Variants in SLC30A10 observed in about 807,000 individuals in gnomAD.
The protein encoded by SLC30A10 is calcium/manganese antiporter SLC30A10.
Under a neutral mutation model 21.7 loss-of-function variants are expected in SLC30A10, and 8 were observed. The ratio of observed to expected loss-of-function variants is 0.37; its 90% CI spans 0.22 to 0.67. The LOEUF (loss-of-function observed/expected upper bound fraction) is 0.67. SLC30A10 is among the 30% of genes least tolerant of loss of function. SLC30A10 has a pLI of 0.58. For missense variants in SLC30A10, 521 were observed against 642.5 expected (o/e 0.81, Z 2.04); for synonymous variants, 272 against 279.4 (o/e 0.97, Z 0.26).
intron 1 of SLC30A10, among the ~76,000 whole-genome samples, chr1:219,954,587 C>T (rs559638454): frequency 4.1e-5 from 6 of 145,946 alleles, no homozygotes; most frequent in Non-Finnish European, 5.9e-5. Context: ...GGCCGAGGCA[C>T]GAGAATTGCT....
At chr1:219,944,889 C>T (rs1185867211) in intron 1 of SLC30A10, among the ~76,000 whole-genome samples, 4 of 152,224 alleles carry the variant, frequency 2.6e-5, no homozygotes, top group Admixed American at 6.5e-5. Flanking sequence ...TCAATAATTG[C>T]GTAAATGTAA....
rs1286028633 is a variant in SLC30A10, at chr1:219,928,233, C to A, written c.208G>T (p.Ala70Ser). The change falls in exon 1 of 4, where the codon GCC becomes TCC. Residue 70 changes from alanine to serine, a missense_variant. By Grantham distance (99) the Ala-to-Ser change is moderately conservative. Transcript: ENST00000366926. The surrounding 1 kb of genome is among the most constrained non-coding windows in gnomAD (Gnocchi z 6.3). The part of the protein sequence containing the change: ...IARRPTRGFS[A>S]TYGYARAEVV... ...TCGGCGCGGGCGTAGCCGTAGGTGGCGCTGAAGCCCCGGGTGGGGCGCCGG... is the reference window on the plus strand; with the variant it reads ...TCGGCGCGGGCGTAGCCGTAGGTGGAGCTGAAGCCCCGGGTGGGGCGCCGG... The A allele has an allele frequency of 1.3e-6, 2 of 1,570,278 alleles. No individual in the cohort carries two copies. Among genetic ancestry groups the A allele is most frequent in the Non-Finnish European group, 8.6e-7 (1 of 1,158,344 alleles).
intron 1 of SLC30A10, among the ~76,000 whole-genome samples, chr1:219,946,479 G>A (rs1660187457): frequency 6.6e-6 from 1 of 152,188 alleles, no homozygotes; most frequent in African/African-American, 2.4e-5. Context: ...TCTGGAGAGT[G>A]TTGGGGGAGA....
chr1:219,957,041 A>G (rs1297820222), intron 1 of SLC30A10, among the ~76,000 whole-genome samples: 2 of 152,220 alleles, frequency 1.3e-5, no homozygotes, highest in South Asian at 2.1e-4. Context: ...AATAAAAAAT[A>G]TATATTTGTC....
chr1:219,936,738 A>G (rs1660050079), intron 1 of SLC30A10, among the ~76,000 whole-genome samples: 1 of 152,222 alleles, frequency 6.6e-6, no homozygotes, highest in African/African-American at 2.4e-5. Flanking sequence ...GAGGAAGCAG[A>G]AAGAGCTGAG....
chr1:219,951,783 G>C (rs1034506416), intron 1 of SLC30A10, among the ~76,000 whole-genome samples: 3 of 152,106 alleles, frequency 2.0e-5, no homozygotes, highest in Non-Finnish European at 4.4e-5. Flanking sequence ...ACCCAGGTTG[G>C]AGTGTAATGG....
chr1:219,936,385 C>G (rs556080350), intron 1 of SLC30A10, among the ~76,000 whole-genome samples: 2 of 152,268 alleles, frequency 1.3e-5, no homozygotes, highest in South Asian at 4.1e-4. Flanking sequence ...TTGTGGCCAC[C>G]AGTATTTAAA....
intron 1 of SLC30A10, among the ~76,000 whole-genome samples, chr1:219,948,382 CA>C (rs1363491192): frequency 2.0e-5 from 3 of 151,966 alleles, no homozygotes; most frequent in African/African-American, 7.3e-5. Flanking sequence ...CTACAGTAAC[CA>C]AAACAGCATG....
rs1300816524 is a variant in SLC30A10, at chr1:219,928,299, G to C, written c.142C>G (p.Leu48Val). The change falls in exon 1 of 4, where the codon CTG becomes GTG. Residue 48 changes from leucine to valine, a missense_variant. Coordinates refer to ENST00000366926, the MANE Select transcript of SLC30A10 (RefSeq NM_018713.3). The surrounding 1 kb of genome is among the most constrained non-coding windows in gnomAD (Gnocchi z 6.3). ...LSDSFNMLSD[L>V]ISLCVGLSAG... Reference sequence around the variant, plus strand: ...CTCAGGCCCACGCACAGCGAGATCAGGTCGGAGAGCATGTTGAAGGAGTCG... The same window carrying C: ...CTCAGGCCCACGCACAGCGAGATCACGTCGGAGAGCATGTTGAAGGAGTCG... The C allele has an allele frequency of 6.2e-7, 1 of 1,608,700 alleles. No homozygotes were observed. Among genetic ancestry groups the C allele is most frequent in the Non-Finnish European group, 8.5e-7 (1 of 1,178,294 alleles).
At chr1:219,954,168 C>G (rs1660311858) in intron 1 of SLC30A10, among the ~76,000 whole-genome samples, 1 of 151,904 alleles carries the variant, frequency 6.6e-6, no homozygotes, top group Non-Finnish European at 1.5e-5. Context: ...ACAGGACTGT[C>G]CACGTGAAAA....
intron 1 of SLC30A10, among the ~76,000 whole-genome samples, chr1:219,955,515 C>G (rs1461080875): frequency 6.6e-6 from 1 of 152,128 alleles, no homozygotes; most frequent in Non-Finnish European, 1.5e-5. Context: ...TAACTTTTTT[C>G]ATGAATCCCA....
upstream of SLC30A10, among the ~76,000 whole-genome samples, chr1:219,931,492 T>A (rs933599625): frequency 1.3e-5 from 2 of 152,070 alleles, no homozygotes; most frequent in Non-Finnish European, 2.9e-5. Flanking sequence ...TTTATTTTTA[T>A]TTTTTTTAAG....
chr1:219,937,328 T>C (rs1004534717), intron 1 of SLC30A10, among the ~76,000 whole-genome samples: 2 of 152,244 alleles, frequency 1.3e-5, no homozygotes, highest in South Asian at 2.1e-4. Context: ...AATTATTCCA[T>C]ATCAATTTTC....
At chr1:219,933,191 C>A (rs1659994667), upstream of SLC30A10, among the ~76,000 whole-genome samples, 1 of 152,014 alleles carries the variant, frequency 6.6e-6, no homozygotes, top group African/African-American at 2.4e-5. Flanking sequence ...TAAAGCTGTG[C>A]CCATCAGCCT....
chr1:219,913,889 G>A lies in SLC30A10; in HGVS notation c.*1560C>T, dbSNP rs1659470720. On this transcript the variant is annotated 3_prime_UTR_variant, in exon 4 of 4. Coordinates refer to ENST00000366926, the MANE Select transcript of SLC30A10 (RefSeq NM_018713.3). Reference sequence around the variant, plus strand: ...TGAGGCTAGGAGTTCAAGGCCAGCTGGGCAACATAGCGAGACCCTGTCTCT... The same window carrying A: ...TGAGGCTAGGAGTTCAAGGCCAGCTAGGCAACATAGCGAGACCCTGTCTCT... 6.6e-6 allele frequency: 1 copy of A among 151,982 alleles called. No homozygotes were observed. Among genetic ancestry groups the A allele is most frequent in the South Asian group, 2.1e-4 (1 of 4,806 alleles). The allele number at this position is 151,982 out of a possible 1,614,324, so 9.4% of individuals were successfully genotyped here. A position where few individuals can be genotyped will look rare whatever the true frequency, so the allele number is the denominator to read the frequency against.
chr1:219,943,614 A>G (rs1017252687), intron 1 of SLC30A10, among the ~76,000 whole-genome samples: 1 of 152,242 alleles, frequency 6.6e-6, no homozygotes, highest in Non-Finnish European at 1.5e-5. Flanking sequence ...AGACACTGAC[A>G]TTGAGGTAGC....
chr1:219,947,846 A>C (rs1660210861), intron 1 of SLC30A10, among the ~76,000 whole-genome samples: 1 of 152,122 alleles, frequency 6.6e-6, no homozygotes. Context: ...AAAATAAATA[A>C]ATAAAAATAA....
intron 1 of SLC30A10, among the ~76,000 whole-genome samples, chr1:219,955,751 A>G (rs1325175397): frequency 6.6e-6 from 1 of 152,178 alleles, no homozygotes; most frequent in East Asian, 1.9e-4. Flanking sequence ...AAGAAGTGAT[A>G]CATTACTGGA....
intron 1 of SLC30A10, among the ~76,000 whole-genome samples, chr1:219,942,193 C>T (rs1660132138): frequency 6.6e-6 from 1 of 151,918 alleles, no homozygotes; most frequent in South Asian, 2.1e-4. Context: ...ACTCAAAGGC[C>T]AAAAATGAAG....
Sources: gnomAD v4.1 joint callset for allele counts (sites outside exome capture counted in the v4.1 genomes callset) on GRCh38, gnomAD v4.1.1 for gene constraint, Gnocchi (gnomAD v3.1) non-coding constraint, MANE v1.5 for transcripts, NCBI Gene and HGNC (gene_info 2026-07-23, HGNC 2026-07-21) for gene names.